CHIC2: variants seen among roughly 807,000 people sequenced by gnomAD.
CHIC2 encodes the protein cysteine-rich hydrophobic domain-containing protein 2.
A neutral mutation model predicts 25.9 loss-of-function variants in CHIC2; 14 were observed. The ratio of observed to expected loss-of-function variants is 0.54; its 90% confidence interval spans 0.36 to 0.85. The LOEUF (loss-of-function observed/expected upper bound fraction) is 0.85. CHIC2 is among the 40% of genes least tolerant of loss of function. CHIC2 has a pLI of 0.01. For missense variants in CHIC2, 146 were observed against 202.0 expected (o/e 0.72, Z 1.68); for synonymous variants, 70 against 72.0 (o/e 0.97, Z 0.14).
chr4:54,074,341 C>T, the CHIC2 span, among the ~76,000 whole-genome samples: 4 of 152,250 alleles, frequency 2.6e-5, no homozygotes, highest in South Asian at 8.3e-4. Flanking sequence ...TTTCTTTTGG[C>T]CCCTGAATGC....
chr4:54,032,562 A>C (rs921957046), intron 3 of CHIC2, among the ~76,000 whole-genome samples: 15 of 152,222 alleles, frequency 9.9e-5, no homozygotes, highest in Admixed American at 8.5e-4. Context: ...TCTTGTTCAA[A>C]GTAAATTTCA....
At chr4:54,069,493 C>T (rs905492326), upstream of CHIC2, among the ~76,000 whole-genome samples, 3 of 152,232 alleles carry the variant, frequency 2.0e-5, no homozygotes, top group Admixed American at 6.5e-5. Flanking sequence ...TAATCCTCCA[C>T]GTGTTCAGCT....
the CHIC2 span, among the ~76,000 whole-genome samples, chr4:54,080,838 CTG>C: frequency 6.7e-6 from 1 of 150,190 alleles, no homozygotes; most frequent in South Asian, 2.1e-4. Context: ...TTGAAATTTA[CTG>C]TGAGAGTAGA....
At chr4:54,088,128 C>T in the CHIC2 span, among the ~76,000 whole-genome samples, 1 of 152,126 alleles carries the variant, frequency 6.6e-6, no homozygotes, top group Admixed American at 6.5e-5. Flanking sequence ...ACAAAATGCC[C>T]TGACTCCTAG....
intron 1 of CHIC2, among the ~76,000 whole-genome samples, chr4:54,062,226 C>T (rs1717356421): frequency 6.6e-6 from 1 of 152,194 alleles, no homozygotes; most frequent in Non-Finnish European, 1.5e-5. Context: ...AGAGATTTAA[C>T]TCACAATGTA....
intron 1 of CHIC2, among the ~76,000 whole-genome samples, chr4:54,054,660 A>G (rs1157792729): frequency 1.3e-5 from 2 of 152,218 alleles, no homozygotes; most frequent in African/African-American, 4.8e-5. Flanking sequence ...TAATTAGATC[A>G]CAAGTGGGCA....
intron 3 of CHIC2, among the ~76,000 whole-genome samples, chr4:54,047,176 T>C (rs1431721491): frequency 2.0e-5 from 3 of 152,176 alleles, no homozygotes; most frequent in African/African-American, 4.8e-5. Context: ...TGTGGAGAAA[T>C]AGGAACACTT....
At chr4:54,074,539 A>G in the CHIC2 span, among the ~76,000 whole-genome samples, 1 of 151,740 alleles carries the variant, frequency 6.6e-6, no homozygotes, top group African/African-American at 2.4e-5. Flanking sequence ...TCATCTGGGA[A>G]CTCAAAAGAG....
At chr4:54,024,503 C>T (rs905494729) in intron 3 of CHIC2, among the ~76,000 whole-genome samples, 1 of 152,190 alleles carries the variant, frequency 6.6e-6, no homozygotes, top group Non-Finnish European at 1.5e-5. Flanking sequence ...TCTCTCCTAG[C>T]CATTTCTAAT....
At chr4:54,080,942 GTA>G in the CHIC2 span, among the ~76,000 whole-genome samples, 10,235 of 99,622 alleles carry the variant, frequency 0.1, 295 homozygotes, top group Admixed American at 0.15. Flanking sequence ...ATGTGTGTGT[GTA>G]TATATATATA....
intron 3 of CHIC2, among the ~76,000 whole-genome samples, chr4:54,022,996 T>A (rs1049063954): frequency 6.6e-6 from 1 of 152,106 alleles, no homozygotes; most frequent in Non-Finnish European, 1.5e-5. Flanking sequence ...GCCAAACCCA[T>A]ATACTCTATC....
chr4:54,029,100 T>C (rs1173783723), intron 3 of CHIC2, among the ~76,000 whole-genome samples: 10 of 150,116 alleles, frequency 6.7e-5, no homozygotes, highest in Middle Eastern at 6.8e-3. Context: ...TCCAGCCTGC[T>C]GACAGAGCGA....
chr4:54,088,722 A>G, the CHIC2 span, among the ~76,000 whole-genome samples: 244 of 152,332 alleles, frequency 1.6e-3, 1 homozygote, highest in African/African-American at 5.6e-3. Flanking sequence ...AACAGATTGT[A>G]GAGGCAAGTA....
At chr4:54,050,474 T>G (rs1466199032) in intron 1 of CHIC2, among the ~76,000 whole-genome samples, 1 of 152,088 alleles carries the variant, frequency 6.6e-6, no homozygotes, top group Non-Finnish European at 1.5e-5. Context: ...AAACCCTCAA[T>G]CTGTTGATCT....
At chr4:54,073,250 T>C in the CHIC2 span, among the ~76,000 whole-genome samples, 1 of 152,180 alleles carries the variant, frequency 6.6e-6, no homozygotes, top group South Asian at 2.1e-4. Context: ...GGGCTCTGAC[T>C]AGATGGTGTG....
At chr4:54,036,729 A>T (rs900390812) in intron 3 of CHIC2, among the ~76,000 whole-genome samples, 1 of 151,764 alleles carries the variant, frequency 6.6e-6, no homozygotes, top group Non-Finnish European at 1.5e-5. Context: ...AAATAATAGT[A>T]CCTCCACTTT....
At chr4:54,034,307 G>A (rs1716316956) in intron 3 of CHIC2, among the ~76,000 whole-genome samples, 1 of 151,984 alleles carries the variant, frequency 6.6e-6, no homozygotes, top group Non-Finnish European at 1.5e-5. Context: ...GGGAGGCTAA[G>A]GCAGGAGAAT....
At chr4:54,081,471 C>T in the CHIC2 span, among the ~76,000 whole-genome samples, 1 of 152,072 alleles carries the variant, frequency 6.6e-6, no homozygotes, top group Non-Finnish European at 1.5e-5. Flanking sequence ...TAAGATACTT[C>T]AATTTGATGT....
rs375127699 is a variant in CHIC2, at chr4:54,015,259, G to A, written c.331-1140C>T. On this transcript the variant is annotated intron_variant, in intron 3 of 5. Transcript: ENST00000263921. ...TTTCCAAGCTTATGTCATAAAAATC[G>A]GAAAATCAACTACTTCCCTGGGTAA... Among the ~76,000 whole-genome samples, 204 of 152,058 alleles carry A rather than the reference G, an allele frequency of 1.3e-3. 2 individuals carry two copies. Among genetic ancestry groups the A allele is most frequent in the South Asian group, 6.4e-3 (31 of 4,824 alleles).
Sources: gnomAD v4.1 joint callset for allele counts (sites outside exome capture counted in the v4.1 genomes callset) on GRCh38, gnomAD v4.1.1 for gene constraint, MANE v1.5 for transcripts, NCBI Gene and HGNC (gene_info 2026-07-23, HGNC 2026-07-21) for gene names.